Variants in C1QTNF1 observed in about 807,000 individuals in gnomAD.
C1QTNF1 encodes the protein complement C1q tumor necrosis factor-related protein 1.
In C1QTNF1, 22 loss-of-function variants were observed where a neutral mutation model predicts 27.8. That is an observed-to-expected ratio of 0.79 (90% CI 0.56 to 1.13). The LOEUF (loss-of-function observed/expected upper bound fraction) is 1.13, where lower values mean the gene tolerates loss of function less well. Ranked by LOEUF, C1QTNF1 falls within the 50% of genes most tolerant of loss-of-function variation. The pLI is 0.00. For synonymous variants in C1QTNF1, 166 were observed against 154.3 expected, an observed-to-expected ratio of 1.08 and a Z score of -0.56; for missense variants, 373 against 380.2, an observed-to-expected ratio of 0.98 and a Z score of 0.16.
intron 2 of C1QTNF1, among the ~76,000 whole-genome samples, chr17:79,044,596 C>A (rs556202935): frequency 6.6e-6 from 1 of 152,138 alleles, no homozygotes; most frequent in Non-Finnish European, 1.5e-5. Flanking sequence ...GAGAGGACAG[C>A]GGAGACTGGG....
intron 1 of C1QTNF1, among the ~76,000 whole-genome samples, chr17:79,035,650 C>G (rs971057364): frequency 2.0e-5 from 3 of 152,212 alleles, no homozygotes; most frequent in African/African-American, 7.2e-5. Context: ...AGGCTGGCCT[C>G]GAGCTCTTGG....
At chr17:79,023,964 C>T (rs562851117), upstream of C1QTNF1, 3 of 152,362 alleles carry the variant, frequency 2.0e-5, no homozygotes, top group African/African-American at 7.2e-5. Flanking sequence ...TCGTCCGGGG[C>T]TCGCAGCCCC....
chr17:79,044,229 A>G, intron 2 of C1QTNF1, 106 bp downstream of exon 2: 3 of 1,281,626 alleles, frequency 2.3e-6, no homozygotes, highest in South Asian at 1.6e-5. Context: ...TGTGAAGGCA[A>G]GAAAGCTGAA....
In C1QTNF1 at chr17:79,046,889, A is replaced by G. The variant is rs1466932364; in HGVS notation, c.295+195A>G. ...ATTTTGAGGCTCTGGCCCCTCTCCA[A>G]GAGGAGGGGTTGGAAAGGGGCCCAC... On this transcript the variant is annotated intron_variant, in intron 3 of 3. Coordinates refer to ENST00000579760, the MANE Select transcript of C1QTNF1 (RefSeq NM_030968.5). This position sits in a 1 kb window ranked among gnomAD's most constrained non-coding sequence, Gnocchi z 4.8. 4 of 721,608 alleles carry G rather than the reference A, an allele frequency of 5.5e-6. No individual in the cohort carries two copies. Among genetic ancestry groups the G allele is most frequent in the African/African-American group, 3.6e-5 (2 of 56,096 alleles). 44.7% of individuals were successfully genotyped at this position (721,608 alleles called of 1,614,324 possible). A position where few individuals can be genotyped will look rare whatever the true frequency, so the allele number is the denominator to read the frequency against.
intron 2 of C1QTNF1, among the ~76,000 whole-genome samples, chr17:79,044,695 C>T (rs1265409494): frequency 1.3e-5 from 2 of 152,318 alleles, no homozygotes; most frequent in East Asian, 3.9e-4. Context: ...GAGACTCCAG[C>T]CGACCTGGGA....
chr17:79,035,006 C>G (rs1291237195), intron 1 of C1QTNF1, among the ~76,000 whole-genome samples: 1 of 152,178 alleles, frequency 6.6e-6, no homozygotes, highest in Non-Finnish European at 1.5e-5. Context: ...ATTAAATGGG[C>G]TTCTAGAAGA....
At chr17:79,037,544 G>A (rs962967727) in intron 1 of C1QTNF1, among the ~76,000 whole-genome samples, 3 of 152,174 alleles carry the variant, frequency 2.0e-5, no homozygotes, top group East Asian at 1.9e-4. Flanking sequence ...GATTACAGGC[G>A]TGAGCCACTG....
rs1428560488 is a variant in C1QTNF1, at chr17:79,047,887, G to A, written c.645G>A (p.Glu215=). 6.2e-7 allele frequency: 1 copy of A among 1,614,202 alleles called. No homozygotes were observed. The highest frequency in any genetic ancestry group is 1.1e-5 in the South Asian group (1 of 91,078). Residue 215 remains glutamate (E), a synonymous_variant, in exon 4 of 4, where the codon GAG becomes GAA. Transcript: ENST00000579760. The part of the protein sequence containing the change: ...KETYLHIMKN[E]EEVVILFAQV... ...CCTACCTGCACATCATGAAGAACGA[G>A]GAGGAGGTGGTGATCTTGTTCGCGC...
chr17:79,043,253 ATGCATGTGTG>A (rs1227161828), intron 1 of C1QTNF1: 9 of 444,682 alleles, frequency 2.0e-5, no homozygotes, highest in Non-Finnish European at 4.0e-5. Context: ...GGGTATATGT[ATGCATGTGTG>A]TGCATGTGTG....
rs4789853 is a variant in C1QTNF1, at chr17:79,044,103, G to T, written c.135G>T (p.Ser45=). The change falls in exon 2 of 4, where the codon TCG becomes TCT. Residue 45 remains serine (S), a synonymous_variant. Transcript: ENST00000579760. The part of the protein sequence containing the change: ...QEWEGTEELP[S]PPDHAERAEE... Reference sequence around the variant, plus strand: ...GGGAGGGGACTGAGGAGCTGCCGTCGCCTCCGGACCATGCCGAGAGGTGAG... The same window carrying T: ...GGGAGGGGACTGAGGAGCTGCCGTCTCCTCCGGACCATGCCGAGAGGTGAG... The T allele has an allele frequency of 6.2e-7, 1 of 1,611,464 alleles. No individual in the cohort carries two copies. The highest frequency in any genetic ancestry group is 8.5e-7 in the Non-Finnish European group (1 of 1,178,618).
At chr17:79,043,268 T>C in intron 1 of C1QTNF1, 1 of 448,504 alleles carries the variant, frequency 2.2e-6, no homozygotes, top group South Asian at 1.6e-5. Context: ...TGTGTGTGCA[T>C]GTGTGTTGAG....
At chr17:79,026,139 T>C (rs1599274001) in intron 1 of C1QTNF1, among the ~76,000 whole-genome samples, 1 of 152,108 alleles carries the variant, frequency 6.6e-6, no homozygotes, top group East Asian at 1.9e-4. Context: ...TCTGTGTCTT[T>C]ATCCCAAGTG....
chr17:79,035,908 A>G (rs563049635), intron 1 of C1QTNF1, among the ~76,000 whole-genome samples: 1 of 152,310 alleles, frequency 6.6e-6, no homozygotes, highest in African/African-American at 2.4e-5. Flanking sequence ...GAGCCCCTGG[A>G]GGGCATCTGA....
intron 1 of C1QTNF1, chr17:79,025,685 G>T (rs940381898): frequency 3.2e-5 from 6 of 188,424 alleles, no homozygotes; most frequent in Admixed American, 2.5e-4. Flanking sequence ...GGTGTGTGCT[G>T]CAGGGAGCGG....
intron 1 of C1QTNF1, among the ~76,000 whole-genome samples, chr17:79,033,068 CAAAAA>C (rs58305899): frequency 8.2e-4 from 65 of 79,368 alleles, no homozygotes; most frequent in African/African-American, 2.1e-3. Context: ...AACTCTGTCT[CAAAAA>C]AAAAAAAAAA....
At chr17:79,029,546 G>A (rs192514806) in intron 1 of C1QTNF1, among the ~76,000 whole-genome samples, 9 of 152,142 alleles carry the variant, frequency 5.9e-5, no homozygotes, top group African/African-American at 2.2e-4. Flanking sequence ...CAGGGGTAGC[G>A]GGGCTTTGTC....
intron 1 of C1QTNF1, among the ~76,000 whole-genome samples, chr17:79,031,008 C>CTTTT (rs11335486): frequency 7.2e-6 from 1 of 137,968 alleles, no homozygotes; most frequent in Non-Finnish European, 1.6e-5. Context: ...CTTTTCTTTT[C>CTTTT]TTTTTTTTTT....
At chr17:79,045,136 TGAAAG>T (rs1209025961) in intron 2 of C1QTNF1, among the ~76,000 whole-genome samples, 2 of 151,900 alleles carry the variant, frequency 1.3e-5, no homozygotes, top group African/African-American at 4.8e-5. Flanking sequence ...CCAGGAAGAC[TGAAAG>T]GAGTGAACTA....
chr17:79,029,563 A>C (rs1350297373), intron 1 of C1QTNF1, among the ~76,000 whole-genome samples: 1 of 152,192 alleles, frequency 6.6e-6, no homozygotes, highest in East Asian at 1.9e-4. Context: ...TGTCAGAAGG[A>C]ATCTCTGATA....
Sources: allele counts gnomAD v4.1 joint callset (sites outside exome capture counted in the v4.1 genomes callset), GRCh38; gene constraint gnomAD v4.1.1; non-coding constraint Gnocchi (gnomAD v3.1); transcripts MANE v1.5; gene names NCBI Gene and HGNC (gene_info 2026-07-23, HGNC 2026-07-21).